Variants in GLB1 observed in about 807,000 individuals in gnomAD.
GLB1 encodes galactosidase beta 1.
A neutral mutation model predicts 74.0 loss-of-function variants in GLB1; 56 were observed. That is an observed-to-expected ratio of 0.76 (90% CI 0.61 to 0.94). The LOEUF is 0.94. Among genes scored for constraint, GLB1 ranks in the 40% least tolerant of loss-of-function variants. The pLI is 0.00. For missense variants in GLB1, 787 were observed against 845.5 expected (o/e 0.93, Z 0.86); for synonymous variants, 323 against 323.6 (o/e 1.00, Z 0.02).
intron 10 of GLB1, among the ~76,000 whole-genome samples, chr3:33,029,765 C>T (rs144171900): frequency 2.6e-4 from 39 of 152,064 alleles, no homozygotes; most frequent in African/African-American, 8.2e-4. Context: ...AACACATGGA[C>T]ACAAAGAGGG....
chr3:33,096,595 A>G, intron 1 of GLB1: 1 of 1,039,360 alleles, frequency 9.6e-7, no homozygotes, highest in Non-Finnish European at 1.2e-6. Flanking sequence ...CTCCTTCCGG[A>G]GCGCTCCGCA....
At chr3:33,047,281 G>C (rs1230137914) in intron 9 of GLB1, among the ~76,000 whole-genome samples, 1 of 152,234 alleles carries the variant, frequency 6.6e-6, no homozygotes, top group Non-Finnish European at 1.5e-5. Flanking sequence ...GTCTAGACCA[G>C]AGGATCCCGA....
intron 10 of GLB1, chr3:33,038,019 C>CA (rs63478362): frequency 0.011 from 781 of 71,708 alleles, 74 homozygotes; most frequent in African/African-American, 0.025. Flanking sequence ...GGCGACTCTT[C>CA]AAAAAAAAAA....
At chr3:33,070,498 T>TCAA (rs749364330) in intron 2 of GLB1, among the ~76,000 whole-genome samples, 14 of 152,156 alleles carry the variant, frequency 9.2e-5, no homozygotes, top group Non-Finnish European at 1.3e-4. Context: ...CTTCTTAAAA[T>TCAA]CAACAACAAC....
At chr3:33,064,973 C>T (rs1699613085) in intron 5 of GLB1, among the ~76,000 whole-genome samples, 1 of 152,094 alleles carries the variant, frequency 6.6e-6, no homozygotes, top group Admixed American at 6.6e-5. Context: ...AGAGAGGAAA[C>T]ATAACAGCCA....
chr3:33,058,154 G>C lies in GLB1; in HGVS notation c.668C>G (p.Ala223Gly), dbSNP rs756603052. The change falls in exon 6 of 16, where the codon GCA becomes GGA. Residue 223 changes from alanine (A) to glycine (G), a missense_variant. By Grantham distance (60) the Ala-to-Gly change is moderately conservative (BLOSUM62 0). Coordinates refer to ENST00000307363, the MANE Select transcript of GLB1 (RefSeq NM_000404.4). The part of the protein sequence containing the change: ...DDVVLFTTDG[A>G]HKTFLKCGAL... ...CCCACATTTCAGGAATGTTTTATGT[G>C]CTCCATCAGTGGTAAACAGAACCAC... 8.1e-6 allele frequency: 13 copies of C among 1,613,980 alleles called. No homozygotes were observed. Among genetic ancestry groups the C allele is most frequent in the Middle Eastern group, 1.6e-4 (1 of 6,076 alleles).
chr3:32,981,135 G>A, the GLB1 span, among the ~76,000 whole-genome samples: 10 of 145,828 alleles, frequency 6.9e-5, no homozygotes, highest in Admixed American at 6.9e-4. Flanking sequence ...GCCCAGCGTG[G>A]TGGCTCACTA....
At chr3:32,999,642 C>T (rs993377798) in intron 15 of GLB1, among the ~76,000 whole-genome samples, 4 of 152,270 alleles carry the variant, frequency 2.6e-5, no homozygotes, top group Admixed American at 2.0e-4. Flanking sequence ...GAGGCCCTTG[C>T]TTGAGATTGG....
At chr3:32,968,832 C>A in the GLB1 span, among the ~76,000 whole-genome samples, 1 of 152,232 alleles carries the variant, frequency 6.6e-6, no homozygotes, top group Non-Finnish European at 1.5e-5. Flanking sequence ...GAGGTTCTAA[C>A]TCAAGCCATA....
chr3:33,063,504 G>T (rs1345803781), intron 5 of GLB1, among the ~76,000 whole-genome samples: 1 of 152,082 alleles, frequency 6.6e-6, no homozygotes, highest in South Asian at 2.1e-4. Context: ...AGGTTGCTAG[G>T]GATGGACACA....
At chr3:33,082,166 T>G (rs1700345625) in intron 1 of GLB1, among the ~76,000 whole-genome samples, 1 of 152,244 alleles carries the variant, frequency 6.6e-6, no homozygotes, top group Admixed American at 6.5e-5. Context: ...CCAGGGAACC[T>G]GAAATGCCAT....
chr3:33,029,498 T>C (rs1399314998), intron 10 of GLB1, among the ~76,000 whole-genome samples: 1 of 152,182 alleles, frequency 6.6e-6, no homozygotes, highest in Non-Finnish European at 1.5e-5. Context: ...ATCAGTTATA[T>C]TAATACACCA....
chr3:32,980,257 G>C, the GLB1 span, among the ~76,000 whole-genome samples: 1 of 152,050 alleles, frequency 6.6e-6, no homozygotes, highest in African/African-American at 2.4e-5. Context: ...TTGCTATGTT[G>C]TTCAGGCTTG....
intron 2 of GLB1, among the ~76,000 whole-genome samples, chr3:33,071,954 A>G (rs1699903757): frequency 1.3e-5 from 2 of 152,208 alleles, no homozygotes; most frequent in African/African-American, 4.8e-5. Context: ...GTCCACCACC[A>G]TTAGGTCAGA....
rs768583059 is a variant in GLB1, at chr3:33,093,820, T to A, written c.75+3191A>T. The A allele has an allele frequency of 1.7e-5, 27 of 1,613,394 alleles. No homozygotes were observed. The Admixed American group carries it at 4.3e-4, about 26-fold the overall frequency. ...ATGAAGAGGAAGAAGAGCATGATGA[T>A]GTAAGCACCCAGGCAGGAGTAGGCC... On this transcript the variant is annotated intron_variant, in intron 1 of 15. Coordinates refer to ENST00000307363, the MANE Select transcript of GLB1 (RefSeq NM_000404.4). The surrounding 1 kb of genome is among the most constrained non-coding windows in gnomAD (Gnocchi z 6.0).
chr3:33,013,910 A>T, intron 15 of GLB1, 146 bp downstream of exon 15: 1 of 1,463,344 alleles, frequency 6.8e-7, no homozygotes, highest in Non-Finnish European at 9.2e-7. Flanking sequence ...AAGATCTGCC[A>T]CAATCCGCCT....
chr3:32,965,316 T>A, the GLB1 span, among the ~76,000 whole-genome samples: 2 of 152,168 alleles, frequency 1.3e-5, no homozygotes, highest in African/African-American at 2.4e-5. Flanking sequence ...CTGATAGTGA[T>A]ATGGACAATA....
chr3:33,072,406 C>T lies in GLB1; in HGVS notation c.245+138G>A, dbSNP rs2125553472. The T allele has an allele frequency of 3.7e-6, 5 of 1,362,294 alleles. No individual in the cohort carries two copies. The East Asian group carries it at 1.3e-4, about 34-fold the overall frequency. 84.4% of individuals were successfully genotyped at this position (1,362,294 alleles called of 1,614,324 possible). On this transcript the variant is annotated intron_variant, in intron 2 of 15. Coordinates refer to ENST00000307363, the MANE Select transcript of GLB1 (RefSeq NM_000404.4). ...GAAAAAGGGCCAGTCCGGCTCATGA[C>T]AAGCCCCTCCCAGAACATCACACTG...
the GLB1 span, among the ~76,000 whole-genome samples, chr3:32,964,532 G>A: frequency 1.2e-3 from 183 of 152,226 alleles, 4 homozygotes; most frequent in East Asian, 0.029. Flanking sequence ...CACAGTTTGG[G>A]GATCTTCCTG....
Sources: allele counts gnomAD v4.1 joint callset (sites outside exome capture counted in the v4.1 genomes callset), GRCh38; gene constraint gnomAD v4.1.1; non-coding constraint Gnocchi (gnomAD v3.1); transcripts MANE v1.5; gene names NCBI Gene and HGNC (gene_info 2026-07-23, HGNC 2026-07-21).